Variants in CPOX observed in about 807,000 individuals in gnomAD.
The protein encoded by CPOX is coproporphyrinogen oxidase.
A neutral mutation model predicts 48.9 loss-of-function variants in CPOX; 24 were observed. The observed-to-expected ratio is 0.49, with a 90% CI of 0.36 to 0.69. CPOX has a LOEUF of 0.69. CPOX is among the 30% of genes least tolerant of loss of function. CPOX has a pLI of 0.00. For synonymous variants in CPOX, 249 were observed against 234.6 expected (o/e 1.06, Z -0.56); for missense variants, 549 against 597.3 (o/e 0.92, Z 0.84).
chr3:98,590,829 A>C, intron 2 of CPOX, 87 bp from the exon 3 acceptor site: 1 of 1,255,120 alleles, frequency 8.0e-7, no homozygotes, highest in Non-Finnish European at 1.1e-6. Flanking sequence ...TTCCAAGTCA[A>C]TTTTCAAAAG....
downstream of CPOX, among the ~76,000 whole-genome samples, chr3:98,578,617 C>T (rs553366991): frequency 9.9e-5 from 15 of 152,164 alleles, no homozygotes; most frequent in Non-Finnish European, 1.9e-4. Flanking sequence ...ATCCCCTAAC[C>T]CCTGCCATCC....
At chr3:98,592,912 C>T (rs1260525338) in intron 1 of CPOX, 37 bp downstream of exon 1, 5 of 1,590,268 alleles carry the variant, frequency 3.1e-6, no homozygotes, top group Non-Finnish European at 4.3e-6. Flanking sequence ...ACCCTTTTTC[C>T]CTGTCTCCAA....
Position 98,580,059 on chromosome 3 carries a change from A to C in CPOX, c.*624T>G. The stretch of plus-strand genomic sequence containing the variant: ...TAAAATAATAGTAATGTCACTTTAG[A>C]GTTTACAAACTACAGAAATAACTGA... On this transcript the variant is annotated 3_prime_UTR_variant, in exon 7 of 7. Coordinates refer to ENST00000647941, the MANE Select transcript of CPOX (RefSeq NM_000097.7). 1 of 982,596 alleles carries C rather than the reference A, an allele frequency of 1.0e-6. No individual in the cohort carries two copies. Among genetic ancestry groups the C allele is most frequent in the Non-Finnish European group, 1.2e-6 (1 of 827,214 alleles). 60.9% of individuals were successfully genotyped at this position (982,596 alleles called of 1,614,324 possible).
chr3:98,591,232 T>C, intron 1 of CPOX, 77 bp from the exon 2 acceptor site: 1 of 1,507,748 alleles, frequency 6.6e-7, no homozygotes, highest in Non-Finnish European at 9.2e-7. Context: ...ATGAAGATGG[T>C]TATTTTCCCG....
downstream of CPOX, among the ~76,000 whole-genome samples, chr3:98,575,353 A>G (rs906005130): frequency 1.3e-5 from 2 of 152,256 alleles, no homozygotes; most frequent in African/African-American, 4.8e-5. Context: ...ATTTTGAAAT[A>G]TGAAGGGATT....
At chr3:98,590,884 T>C (rs930544256) in intron 2 of CPOX, 128 bp downstream of exon 2, 2 of 1,263,336 alleles carry the variant, frequency 1.6e-6, no homozygotes, top group Non-Finnish European at 2.3e-6. Context: ...TAAAAAAGTA[T>C]TTGTCAACGT....
At position 98,590,409 on chromosome 3, in the gene CPOX, A is replaced by T; in HGVS notation, c.811+223T>A. 1.1e-5 allele frequency: 6 copies of T among 560,460 alleles called. No individual in the cohort carries two copies. In the South Asian group the frequency reaches 1.1e-4, roughly 10 times the overall value. 34.7% of individuals were successfully genotyped at this position (560,460 alleles called of 1,614,324 possible). On this transcript the variant is annotated intron_variant, in intron 3 of 6. Coordinates refer to ENST00000647941, the MANE Select transcript of CPOX (RefSeq NM_000097.7). Reference sequence around the variant, plus strand: ...GGTGATCTGCCCACCTCAGCCTCCCAAAGTGCTGGGATTACAGGTATGAGC... The same window carrying T: ...GGTGATCTGCCCACCTCAGCCTCCCTAAGTGCTGGGATTACAGGTATGAGC...
downstream of CPOX, among the ~76,000 whole-genome samples, chr3:98,574,463 T>G (rs569844794): frequency 8.5e-4 from 129 of 152,322 alleles, 2 homozygotes; most frequent in Non-Finnish European, 2.6e-4. Context: ...GTCCTTATTT[T>G]TGCTTCTTAG....
chr3:98,578,356 A>G (rs201071042), downstream of CPOX: 7 of 305,860 alleles, frequency 2.3e-5, no homozygotes, highest in East Asian at 5.2e-4. Flanking sequence ...TTTTAGCATT[A>G]TATCATCACT....
At chr3:98,584,081 CA>C (rs1294134755) in intron 5 of CPOX, among the ~76,000 whole-genome samples, 1 of 152,176 alleles carries the variant, frequency 6.6e-6, no homozygotes, top group African/African-American at 2.4e-5. Context: ...AACAAAACCG[CA>C]AAACAAACCA....
intron 1 of CPOX, among the ~76,000 whole-genome samples, chr3:98,591,583 T>C (rs1459785959): frequency 6.6e-6 from 1 of 152,232 alleles, no homozygotes; most frequent in African/African-American, 2.4e-5. Context: ...AGTGGGCTGC[T>C]TGCCTTTTAA....
At chr3:98,583,287 T>C (rs183812725) in intron 5 of CPOX, among the ~76,000 whole-genome samples, 109 of 152,336 alleles carry the variant, frequency 7.2e-4, no homozygotes, top group Non-Finnish European at 1.2e-3. Context: ...ATAGATCTGA[T>C]ATTCTATATA....
downstream of CPOX, among the ~76,000 whole-genome samples, chr3:98,577,189 C>CT (rs1707176027): frequency 6.6e-6 from 1 of 152,014 alleles, no homozygotes; most frequent in African/African-American, 2.4e-5. Context: ...AGTATATGGT[C>CT]TGAGACTGAA....
chr3:98,579,721 G>A lies in CPOX; in HGVS notation c.*962C>T, dbSNP rs1048744880. On this transcript the variant is annotated 3_prime_UTR_variant, in exon 7 of 7. Transcript: ENST00000647941. The stretch of plus-strand genomic sequence containing the variant: ...GCTGCAGAATCTCTAATATAAAAAA[G>A]AGGACATTTTCAATGTGTCCATTTT... The A allele has an allele frequency of 6.1e-6, 6 of 985,248 alleles. No individual in the cohort carries two copies. The highest frequency in any genetic ancestry group is 1.2e-4 in the Admixed American group (2 of 16,246). The allele number at this position is 985,248 out of a possible 1,614,324, so 61.0% of individuals were successfully genotyped here.
Position 98,593,469 on chromosome 3 carries a change from G to A in CPOX, c.36C>T (p.Pro12=). The A allele has an allele frequency of 6.6e-7, 1 of 1,509,558 alleles. No homozygotes were observed. The highest frequency in any genetic ancestry group is 8.8e-7 in the Non-Finnish European group (1 of 1,135,704). 93.5% of individuals were successfully genotyped at this position (1,509,558 alleles called of 1,614,324 possible). A position where few individuals can be genotyped will look rare whatever the true frequency, so the allele number is the denominator to read the frequency against. ...ALQLGRLSSG[P]CWLVARGGCG... ...AGCCGCCCCGCGCCACGAGCCAGCA[G>A]GGGCCCGAGCTCAGCCTGCCCAGCT... The change falls in exon 1 of 7, where the codon CCC becomes CCT. Residue 12 remains proline (P), a synonymous_variant. Coordinates refer to ENST00000647941, the MANE Select transcript of CPOX (RefSeq NM_000097.7).
the CPOX span, among the ~76,000 whole-genome samples, chr3:98,572,009 G>C: frequency 5.7e-3 from 867 of 152,262 alleles, 5 homozygotes; most frequent in Middle Eastern, 0.02. Flanking sequence ...ATGTCCCTAG[G>C]TACTTGGAAG....
At chr3:98,589,845 C>G (rs1265355048) in intron 3 of CPOX, 3 of 152,774 alleles carry the variant, frequency 2.0e-5, no homozygotes, top group Non-Finnish European at 2.9e-5. Flanking sequence ...CACATGTACT[C>G]TGACATCTAG....
At chr3:98,589,511 A>G (rs11926135) in intron 3 of CPOX, among the ~76,000 whole-genome samples, 1 of 146,202 alleles carries the variant, frequency 6.8e-6, no homozygotes, top group Non-Finnish European at 1.5e-5. Flanking sequence ...CTAGATCACA[A>G]TAAACACACA....
At chr3:98,576,443 G>C (rs1268698032), downstream of CPOX, among the ~76,000 whole-genome samples, 1 of 152,160 alleles carries the variant, frequency 6.6e-6, no homozygotes, top group Non-Finnish European at 1.5e-5. Context: ...GACACCTGGG[G>C]ATTTGGGGGA....
Sources: gnomAD v4.1 joint callset for allele counts (sites outside exome capture counted in the v4.1 genomes callset) on GRCh38, gnomAD v4.1.1 for gene constraint, MANE v1.5 for transcripts, NCBI Gene and HGNC (gene_info 2026-07-23, HGNC 2026-07-21) for gene names.